Variants in CHRM2 observed in about 807,000 individuals in gnomAD.
CHRM2 encodes muscarinic acetylcholine receptor M2.
A neutral mutation model predicts 25.0 loss-of-function variants in CHRM2; 8 were observed. The ratio of observed to expected loss-of-function variants is 0.32; its 90% confidence interval spans 0.19 to 0.58. The LOEUF is 0.58. Ranked by LOEUF, CHRM2 falls within the 20% of genes least tolerant of loss-of-function variation. The pLI, the probability that CHRM2 is intolerant of heterozygous loss-of-function variation, is 0.88. For synonymous variants in CHRM2, 202 were observed against 205.7 expected, an observed-to-expected ratio of 0.98 and a Z score of 0.15; for missense variants, 440 against 567.1, an observed-to-expected ratio of 0.78 and a Z score of 2.28.
At chr7:136,924,344 A>C in intron 2 of CHRM2, among the ~76,000 whole-genome samples, 1 of 149,244 alleles carries the variant, frequency 6.7e-6, no homozygotes, top group East Asian at 2.0e-4. Flanking sequence ...GTATATCTCC[A>C]AATGCTATCC....
At chr7:136,968,736 A>G (rs1801576080) in intron 2 of CHRM2, among the ~76,000 whole-genome samples, 1 of 147,588 alleles carries the variant, frequency 6.8e-6, no homozygotes, top group Non-Finnish European at 1.5e-5. Flanking sequence ...ATATATATAT[A>G]TATATATACA....
intron 2 of CHRM2, among the ~76,000 whole-genome samples, chr7:136,991,006 A>G (rs759431672): frequency 6.6e-6 from 1 of 152,166 alleles, no homozygotes; most frequent in Non-Finnish European, 1.5e-5. Context: ...CTAATTTACC[A>G]TCTGTATATG....
Position 136,884,507 on chromosome 7 carries a change from T to G in CHRM2, c.-125+15089T>G, listed in dbSNP as rs898663871. ...TGCCTTTTTTTTTTTTTGGTTGTCTTTTTTGCTTTGTTTTTTTATCAGGGG... is the reference window on the plus strand; with the variant it reads ...TGCCTTTTTTTTTTTTTGGTTGTCTGTTTTGCTTTGTTTTTTTATCAGGGG... On this transcript the variant is annotated intron_variant, in intron 2 of 3. Transcript: ENST00000680005. Among the ~76,000 whole-genome samples, 9 of 150,822 alleles carry G rather than the reference T, an allele frequency of 6.0e-5. 1 individual carries two copies. The Admixed American group carries it at 6.0e-4, about 10-fold the overall frequency.
At chr7:136,960,064 T>C (rs1054383931) in intron 2 of CHRM2, among the ~76,000 whole-genome samples, 10 of 151,586 alleles carry the variant, frequency 6.6e-5, no homozygotes, top group African/African-American at 2.2e-4. Flanking sequence ...AGGGAGGGAG[T>C]AGCTGTGTGG....
At position 137,015,689 on chromosome 7, in the gene CHRM2, T is replaced by C. The variant is rs767581033; in HGVS notation, c.824T>C (p.Val275Ala). ...APRDPVTENC[V>A]QGEEKESSND... is the part of the protein sequence containing the mutation. ...AGGGATCCTGTGACTGAAAACTGTGTTCAGGGAGAGGAGAAGGAGAGCTCC... is the reference window on the plus strand; with the variant it reads ...AGGGATCCTGTGACTGAAAACTGTGCTCAGGGAGAGGAGAAGGAGAGCTCC... The change falls in exon 4 of 4, where the codon GTT becomes GCT. Residue 275 changes from valine to alanine, a missense_variant. Physicochemically the swap from Val to Ala is moderately conservative, Grantham distance 64 (BLOSUM62 0). Transcript: ENST00000680005. This position sits in a 1 kb window ranked among gnomAD's most constrained non-coding sequence, Gnocchi z 5.1. 1 of 1,613,156 alleles carries C rather than the reference T, an allele frequency of 6.2e-7. No individual in the cohort carries two copies. Among genetic ancestry groups the C allele is most frequent in the Non-Finnish European group, 8.5e-7 (1 of 1,179,556 alleles).
In CHRM2 at chr7:137,015,414, T is replaced by C. The variant is rs141951417; in HGVS notation, c.549T>C (p.Asn183=). 3.0e-4 allele frequency: 492 copies of C among 1,613,512 alleles called. 6 individuals carry two copies. The East Asian group carries it at 9.2e-3, about 30-fold the overall frequency. ...DGECYIQFFS[N]AAVTFGTAIA... Reference sequence around the variant, plus strand: ...AGTGCTACATTCAGTTTTTTTCCAATGCTGCTGTCACCTTTGGTACGGCTA... The same window carrying C: ...AGTGCTACATTCAGTTTTTTTCCAACGCTGCTGTCACCTTTGGTACGGCTA... The change falls in exon 4 of 4, where the codon AAT becomes AAC. Residue 183 remains asparagine, a synonymous_variant. Coordinates refer to ENST00000680005, the MANE Select transcript of CHRM2 (RefSeq NM_001006630.2). The surrounding 1 kb of genome is among the most constrained non-coding windows in gnomAD (Gnocchi z 5.1).
chr7:137,008,767 T>C (rs908579977), intron 3 of CHRM2, among the ~76,000 whole-genome samples: 1 of 152,120 alleles, frequency 6.6e-6, no homozygotes, highest in Non-Finnish European at 1.5e-5. Context: ...AACTTTCTTC[T>C]TGTTCTCAAA....
intron 2 of CHRM2, chr7:136,907,816 C>G (rs1205667763): frequency 2.0e-5 from 3 of 151,916 alleles, no homozygotes; most frequent in African/African-American, 7.2e-5. Flanking sequence ...AAGGTGCCAA[C>G]GGAGATTCAA....
At chr7:136,935,844 T>C (rs2130797067) in intron 2 of CHRM2, among the ~76,000 whole-genome samples, 1 of 152,292 alleles carries the variant, frequency 6.6e-6, no homozygotes, top group South Asian at 2.1e-4. Flanking sequence ...CTTAGTCCTC[T>C]GGAAATCTTT....
At chr7:136,962,321 G>C (rs1199968383) in intron 2 of CHRM2, among the ~76,000 whole-genome samples, 3 of 152,078 alleles carry the variant, frequency 2.0e-5, no homozygotes, top group South Asian at 4.1e-4. Context: ...TTTTAGTAGA[G>C]ACAGGGTTTC....
intron 2 of CHRM2, among the ~76,000 whole-genome samples, chr7:136,959,402 C>T (rs531727683): frequency 2.6e-5 from 4 of 152,138 alleles, no homozygotes; most frequent in South Asian, 4.1e-4. Context: ...CATGTGGATA[C>T]CAACATCTGG....
chr7:136,888,365 G>T (rs566354175), intron 2 of CHRM2, among the ~76,000 whole-genome samples: 2 of 152,322 alleles, frequency 1.3e-5, no homozygotes, highest in South Asian at 4.1e-4. Context: ...ATACTTCTAA[G>T]CACCTTTCTG....
intron 2 of CHRM2, among the ~76,000 whole-genome samples, chr7:136,983,870 C>G (rs987175429): frequency 6.6e-6 from 1 of 152,172 alleles, no homozygotes; most frequent in Admixed American, 6.5e-5. Flanking sequence ...AGGTGTTTGT[C>G]AATCCCTGCT....
intron 2 of CHRM2, among the ~76,000 whole-genome samples, chr7:136,956,710 C>T (rs1800744257): frequency 1.3e-5 from 2 of 152,244 alleles, no homozygotes; most frequent in Non-Finnish European, 2.9e-5. Context: ...TTAGCCTCAA[C>T]TCAAATCCCT....
intron 3 of CHRM2, among the ~76,000 whole-genome samples, chr7:136,996,357 A>G (rs1422058969): frequency 1.3e-5 from 2 of 152,138 alleles, no homozygotes; most frequent in Non-Finnish European, 2.9e-5. Context: ...TGTCAAACAC[A>G]TGAACAGTAT....
At chr7:136,971,433 C>A (rs758403116) in intron 2 of CHRM2, among the ~76,000 whole-genome samples, 2 of 151,818 alleles carry the variant, frequency 1.3e-5, no homozygotes, top group African/African-American at 4.8e-5. Context: ...CTGACCAACA[C>A]GGTGAAACCC....
intron 2 of CHRM2, among the ~76,000 whole-genome samples, chr7:136,912,339 T>C (rs1797886974): frequency 1.3e-5 from 2 of 151,962 alleles, no homozygotes. Flanking sequence ...TTATCTTAAA[T>C]TATCTGCTGT....
chr7:136,969,012 G>T (rs1205935073), intron 2 of CHRM2, among the ~76,000 whole-genome samples: 2 of 151,932 alleles, frequency 1.3e-5, no homozygotes, highest in African/African-American at 4.8e-5. Flanking sequence ...ACTGTATTCA[G>T]TTCTATGCAT....
chr7:136,916,836 C>G (rs1243927647), intron 2 of CHRM2, among the ~76,000 whole-genome samples: 1 of 90,828 alleles, frequency 1.1e-5, no homozygotes, highest in Non-Finnish European at 3.3e-5. Context: ...CCCTCTCTTT[C>G]TCTCTCTCTC....
Sources: gnomAD v4.1 joint callset for allele counts (sites outside exome capture counted in the v4.1 genomes callset) on GRCh38, gnomAD v4.1.1 for gene constraint, Gnocchi (gnomAD v3.1) non-coding constraint, MANE v1.5 for transcripts, NCBI Gene and HGNC (gene_info 2026-07-23, HGNC 2026-07-21) for gene names.